Variants in CCSER1 observed in about 807,000 individuals in gnomAD.
The protein encoded by CCSER1 is serine-rich coiled-coil domain-containing protein 1.
CCSER1 carries 41 observed loss-of-function variants against 82.0 expected under a neutral mutation model. That is an observed-to-expected ratio of 0.50 (90% CI 0.39 to 0.65). The LOEUF (loss-of-function observed/expected upper bound fraction) is 0.65, where lower values mean the gene tolerates loss of function less well. Among genes scored for constraint, CCSER1 ranks in the 30% least tolerant of loss-of-function variants. The pLI is 0.00. For synonymous variants in CCSER1, 414 were observed against 383.9 expected (o/e 1.08, Z -0.92); for missense variants, 1,119 against 1,064.2 (o/e 1.05, Z -0.72).
intron 6 of CCSER1, among the ~76,000 whole-genome samples, chr4:90,696,082 A>G (rs1378083798): frequency 1.3e-5 from 2 of 152,114 alleles, no homozygotes; most frequent in African/African-American, 2.4e-5. Flanking sequence ...CCAACTATCA[A>G]TTTTAGTTTA....
At chr4:90,153,626 C>T (rs1373898501) in intron 1 of CCSER1, among the ~76,000 whole-genome samples, 1 of 152,136 alleles carries the variant, frequency 6.6e-6, no homozygotes, top group Non-Finnish European at 1.5e-5. Context: ...TTGCATTTCT[C>T]TGATGGCCAG....
At chr4:91,210,765 G>A (rs918994931) in intron 10 of CCSER1, among the ~76,000 whole-genome samples, 16 of 151,982 alleles carry the variant, frequency 1.1e-4, no homozygotes, top group Admixed American at 1.1e-3. Flanking sequence ...TCCATTTGCT[G>A]TAAAGAACAT....
At chr4:91,530,709 G>A (rs1218041900) in intron 10 of CCSER1, among the ~76,000 whole-genome samples, 1 of 143,058 alleles carries the variant, frequency 7.0e-6, no homozygotes, top group African/African-American at 2.6e-5. Context: ...TTGAGACAGA[G>A]TTTTGCTTTG....
intron 10 of CCSER1, among the ~76,000 whole-genome samples, chr4:91,232,148 A>G (rs889988523): frequency 6.6e-6 from 1 of 151,886 alleles, no homozygotes; most frequent in Non-Finnish European, 1.5e-5. Flanking sequence ...TACAACTTAT[A>G]CAGAGGGCAA....
intron 8 of CCSER1, among the ~76,000 whole-genome samples, chr4:90,879,614 AGG>A (rs1720965960): frequency 2.0e-5 from 3 of 151,094 alleles, no homozygotes; most frequent in Non-Finnish European, 4.4e-5. Flanking sequence ...GAAGAGGAGG[AGG>A]AGGAGGAGGA....
chr4:90,642,919 G>T (rs1726828213), intron 6 of CCSER1, among the ~76,000 whole-genome samples: 1 of 151,002 alleles, frequency 6.6e-6, no homozygotes, highest in Non-Finnish European at 1.5e-5. Flanking sequence ...AAGTAAAAGT[G>T]CTCAAGATAT....
At chr4:91,265,650 T>G (rs1038255899) in intron 10 of CCSER1, among the ~76,000 whole-genome samples, 1 of 152,200 alleles carries the variant, frequency 6.6e-6, no homozygotes, top group Admixed American at 6.5e-5. Flanking sequence ...TTCATACTTT[T>G]TTTATTGTAG....
intron 3 of CCSER1, among the ~76,000 whole-genome samples, chr4:90,359,974 G>T (rs1482383547): frequency 6.8e-6 from 1 of 147,356 alleles, no homozygotes; most frequent in East Asian, 2.0e-4. Context: ...GCTGGTGTGT[G>T]GGAGCAAGAT....
intron 10 of CCSER1, among the ~76,000 whole-genome samples, chr4:91,207,600 T>C (rs1370899514): frequency 2.6e-5 from 4 of 151,978 alleles, no homozygotes; most frequent in African/African-American, 7.2e-5. Context: ...ATGGTGTATA[T>C]GTACCACATT....
intron 3 of CCSER1, among the ~76,000 whole-genome samples, chr4:90,388,397 C>T (rs1410672729): frequency 6.7e-6 from 1 of 150,096 alleles, no homozygotes; most frequent in East Asian, 2.0e-4. Context: ...GCAACCTTTG[C>T]CCGCTGGGTT....
At chr4:91,139,886 C>A (rs1298466895) in intron 10 of CCSER1, among the ~76,000 whole-genome samples, 1 of 151,972 alleles carries the variant, frequency 6.6e-6, no homozygotes, top group African/African-American at 2.4e-5. Context: ...GACTAGTTTG[C>A]TTTACAGCTT....
Position 91,496,564 on chromosome 4 carries a change from GTATA to G in CCSER1, c.2218-101989_2218-101986del, listed in dbSNP as rs367939121. Among the ~76,000 whole-genome samples, 9 of 17,636 alleles carry G rather than the reference GTATA, an allele frequency of 5.1e-4. 1 individual carries two copies. The highest frequency in any genetic ancestry group is 4.3e-3 in the East Asian group (1 of 230). The allele number at this position is 17,636 out of a possible 152,430, so 11.6% of individuals were successfully genotyped here. A position where few individuals can be genotyped will look rare whatever the true frequency, so the allele number is the denominator to read the frequency against. ...GAGTGGTATAGTTGGCATAAATCTT[GTATA>G]TATATATATATATATATACACGAAT... On this transcript the variant is annotated intron_variant, in intron 10 of 10. Coordinates refer to ENST00000509176, the MANE Select transcript of CCSER1 (RefSeq NM_001145065.2).
chr4:91,112,289 C>CT lies in CCSER1; in HGVS notation c.2217+26303dup, dbSNP rs528658087. On this transcript the variant is annotated intron_variant, in intron 10 of 10. Coordinates refer to ENST00000509176, the MANE Select transcript of CCSER1 (RefSeq NM_001145065.2). The stretch of plus-strand genomic sequence containing the variant: ...TCTTGTAGGCCTTCCTTTTTTGACA[C>CT]TTTTTTTTCTTTTTCTGAGTAATCT... 1.2e-3 allele frequency among the ~76,000 whole-genome samples: 177 copies of CT among 151,910 alleles called. 2 individuals are homozygous for CT. Among genetic ancestry groups the CT allele is most frequent in the African/African-American group, 3.9e-3 (163 of 41,460 alleles).
intron 3 of CCSER1, among the ~76,000 whole-genome samples, chr4:90,391,787 G>A (rs1751200185): frequency 1.3e-5 from 2 of 151,592 alleles, no homozygotes; most frequent in Admixed American, 1.3e-4. Flanking sequence ...ACACAAAGAA[G>A]AATGAAGGTT....
Position 91,156,349 on chromosome 4 carries a change from G to C in CCSER1, c.2217+70355G>C. 1.3e-5 allele frequency among the ~76,000 whole-genome samples: 2 copies of C among 151,454 alleles called. 1 individual carries two copies. Among genetic ancestry groups the C allele is most frequent in the Non-Finnish European group, 3.0e-5 (2 of 67,738 alleles). ...CAAAATCACTATTACACCATCATTT[G>C]CTCTGTCCTTCACTTTAATAATGAA... On this transcript the variant is annotated intron_variant, in intron 10 of 10. Transcript: ENST00000509176.
At chr4:91,100,711 T>C (rs1402599424) in intron 10 of CCSER1, among the ~76,000 whole-genome samples, 20 of 152,216 alleles carry the variant, frequency 1.3e-4, no homozygotes, top group Non-Finnish European at 2.9e-5. Flanking sequence ...TTAAGGACTA[T>C]AGGTTTTGTA....
chr4:90,741,426 G>T (rs1194743369), intron 7 of CCSER1, among the ~76,000 whole-genome samples: 2 of 152,108 alleles, frequency 1.3e-5, no homozygotes, highest in African/African-American at 4.8e-5. Context: ...AAAAACCTTG[G>T]TGTGAGATAA....
rs1353517136 is a variant in CCSER1, at chr4:91,361,568, T to G, written c.2218-237004T>G. On this transcript the variant is annotated intron_variant, in intron 10 of 10. Coordinates refer to ENST00000509176, the MANE Select transcript of CCSER1 (RefSeq NM_001145065.2). ...AGAAATAAAAAGCTGTAAGTTATAA[T>G]GGAGATGAAGTAGTCAATATGTTTC... Among the ~76,000 whole-genome samples the G allele has an allele frequency of 3.3e-5, 5 of 151,744 alleles. 1 individual carries two copies. The highest frequency in any genetic ancestry group is 7.4e-5 in the Non-Finnish European group (5 of 67,816).
chr4:91,114,422 A>T (rs973677204), intron 10 of CCSER1, among the ~76,000 whole-genome samples: 3 of 152,166 alleles, frequency 2.0e-5, no homozygotes, highest in African/African-American at 7.2e-5. Flanking sequence ...CTAAAGGCCC[A>T]CTATGTTCCT....
Sources: gnomAD v4.1 joint callset for allele counts (sites outside exome capture counted in the v4.1 genomes callset) on GRCh38, gnomAD v4.1.1 for gene constraint, MANE v1.5 for transcripts, NCBI Gene and HGNC (gene_info 2026-07-23, HGNC 2026-07-21) for gene names.